Variants in PCCA observed in about 807,000 individuals in gnomAD.
PCCA encodes propionyl-CoA carboxylase subunit alpha, also known as propionyl-CoA carboxylase alpha chain, mitochondrial.
In PCCA, 74 loss-of-function variants were observed where a neutral mutation model predicts 101.3. The observed-to-expected ratio is 0.73, with a 90% CI of 0.61 to 0.89. The LOEUF (loss-of-function observed/expected upper bound fraction) is 0.89. PCCA is among the 40% of genes least tolerant of loss of function. The pLI is 0.00. For missense variants in PCCA, 891 were observed against 907.0 expected (o/e 0.98, Z 0.23); for synonymous variants, 294 against 313.6 (o/e 0.94, Z 0.66).
chr13:100,404,475 G>T (rs1035701487), intron 19 of PCCA, among the ~76,000 whole-genome samples: 1 of 151,738 alleles, frequency 6.6e-6, no homozygotes, highest in African/African-American at 2.4e-5. Context: ...AAAAGAAGGC[G>T]TTTTTTTTCA....
intron 6 of PCCA, among the ~76,000 whole-genome samples, chr13:100,182,930 A>G (rs2056932664): frequency 6.6e-6 from 1 of 152,116 alleles, no homozygotes; most frequent in African/African-American, 2.4e-5. Context: ...GAGTTTGGGA[A>G]AAGGGCAGTT....
intron 9 of PCCA, among the ~76,000 whole-genome samples, chr13:100,262,386 T>G (rs991015903): frequency 1.3e-5 from 2 of 150,864 alleles, no homozygotes; most frequent in Non-Finnish European, 1.5e-5. Flanking sequence ...AGAGTGAGAC[T>G]CTGTCTCAAA....
At chr13:100,451,601 A>G (rs1450369087) in intron 21 of PCCA, among the ~76,000 whole-genome samples, 3 of 151,800 alleles carry the variant, frequency 2.0e-5, no homozygotes, top group Non-Finnish European at 4.4e-5. Context: ...TCGGAAACTG[A>G]GCTCGAAAAG....
intron 20 of PCCA, among the ~76,000 whole-genome samples, chr13:100,438,453 GT>G (rs2080104151): frequency 6.6e-6 from 1 of 152,064 alleles, no homozygotes; most frequent in Non-Finnish European, 1.5e-5. Flanking sequence ...GCAAAGCCAT[GT>G]TGATTTCTCA....
At chr13:100,228,452 TG>T (rs1173576138) in intron 7 of PCCA, among the ~76,000 whole-genome samples, 4 of 152,238 alleles carry the variant, frequency 2.6e-5, no homozygotes, top group Non-Finnish European at 5.9e-5. Context: ...TTTCATGTAT[TG>T]TGTGTCATGT....
At chr13:100,332,866 C>T (rs570693314) in intron 17 of PCCA, among the ~76,000 whole-genome samples, 1 of 152,224 alleles carries the variant, frequency 6.6e-6, no homozygotes, top group Non-Finnish European at 1.5e-5. Flanking sequence ...TAGTTGCAGC[C>T]TTCATTTTAC....
intron 1 of PCCA, among the ~76,000 whole-genome samples, chr13:100,094,450 C>T (rs1420050089): frequency 2.0e-5 from 3 of 152,036 alleles, no homozygotes; most frequent in Non-Finnish European, 2.9e-5. Context: ...TTGACATTTT[C>T]GTTAGAAAAA....
rs1239727429 is a variant in PCCA at position 100,179,733 on chromosome 13, G to GTGTGTGTGTGTT, written c.468+22405_468+22416dup. Among the ~76,000 whole-genome samples, 5 of 92,816 alleles carry GTGTGTGTGTGTT rather than the reference G, an allele frequency of 5.4e-5. No homozygotes were observed. The Admixed American group carries it at 6.3e-4, about 12-fold the overall frequency. The allele number at this position is 92,816 out of a possible 152,430, so 60.9% of individuals were successfully genotyped here. On this transcript the variant is annotated intron_variant, in intron 6 of 23. Transcript: ENST00000376285. ...CACAATGGTTTATTTTCCTGTCTGTGTGTGTGTGTGTTTGTGTGTGTGTGT... is the reference window on the plus strand; with the variant it reads ...CACAATGGTTTATTTTCCTGTCTGTGTGTGTGTGTGTTTGTGTGTGTGTTTGTGTGTGTGTGT...
chr13:100,460,385 C>T (rs2082089867), intron 21 of PCCA, among the ~76,000 whole-genome samples: 1 of 152,182 alleles, frequency 6.6e-6, no homozygotes, highest in Non-Finnish European at 1.5e-5. Context: ...CTCAGTGAGA[C>T]TGACTTTTTT....
At chr13:100,354,150 C>G (rs1433930322) in intron 18 of PCCA, among the ~76,000 whole-genome samples, 1 of 149,718 alleles carries the variant, frequency 6.7e-6, no homozygotes, top group East Asian at 2.0e-4. Flanking sequence ...GTGGCACACA[C>G]TTGTAATCCC....
At chr13:100,255,176 C>A (rs925336719) in intron 8 of PCCA, among the ~76,000 whole-genome samples, 1 of 152,120 alleles carries the variant, frequency 6.6e-6, no homozygotes, top group Non-Finnish European at 1.5e-5. Context: ...TCTTGCCTTC[C>A]TGGGTTACAT....
chr13:100,496,409 G>A (rs2085280169), intron 21 of PCCA, among the ~76,000 whole-genome samples: 1 of 152,110 alleles, frequency 6.6e-6, no homozygotes, highest in African/African-American at 2.4e-5. Flanking sequence ...TTGAAGACAG[G>A]CCATTTATTT....
chr13:100,140,950 G>A (rs1209435220), intron 4 of PCCA, among the ~76,000 whole-genome samples: 2 of 152,186 alleles, frequency 1.3e-5, no homozygotes, highest in African/African-American at 2.4e-5. Context: ...ATAGCACTAT[G>A]TCCTAACCTT....
chr13:100,494,014 C>A (rs1048539346), intron 21 of PCCA, among the ~76,000 whole-genome samples: 3 of 151,896 alleles, frequency 2.0e-5, no homozygotes, highest in Non-Finnish European at 4.4e-5. Flanking sequence ...CATGGTGAAA[C>A]CCCATCTCTA....
chr13:100,471,975 A>C (rs1420583061), intron 21 of PCCA, among the ~76,000 whole-genome samples: 1 of 152,210 alleles, frequency 6.6e-6, no homozygotes, highest in Non-Finnish European at 1.5e-5. Flanking sequence ...GCAGGCGGAC[A>C]CTTGGAGAGT....
chr13:100,340,879 A>C (rs926244853), intron 18 of PCCA, among the ~76,000 whole-genome samples: 2 of 152,164 alleles, frequency 1.3e-5, no homozygotes, highest in African/African-American at 4.8e-5. Flanking sequence ...ATAAATTGTT[A>C]CTTCAGTTTC....
intron 17 of PCCA, among the ~76,000 whole-genome samples, chr13:100,337,827 T>C (rs1416557442): frequency 1.3e-5 from 2 of 152,342 alleles, no homozygotes; most frequent in East Asian, 3.9e-4. Context: ...AAGAACTGAC[T>C]TGTAAAGGAC....
chr13:100,489,937 G>A (rs1409508149), intron 21 of PCCA: 1 of 152,188 alleles, frequency 6.6e-6, no homozygotes, highest in Non-Finnish European at 1.5e-5. Context: ...TGTGTTCTAG[G>A]AGCACGGGGC....
At chr13:100,530,003 T>C (rs2088275590) in intron 23 of PCCA, 95 bp from the exon 24 acceptor site, 2 of 932,270 alleles carry the variant, frequency 2.1e-6, no homozygotes, top group African/African-American at 1.6e-5. Flanking sequence ...CTTGCAGGAC[T>C]GTGCATTTTT....
Sources: gnomAD v4.1 joint callset for allele counts (sites outside exome capture counted in the v4.1 genomes callset) on GRCh38, gnomAD v4.1.1 for gene constraint, MANE v1.5 for transcripts, NCBI Gene and HGNC (gene_info 2026-07-23, HGNC 2026-07-21) for gene names.